The following HIVEP3 variants were observed in gnomAD, a reference collection of about 807,000 sequenced individuals.
The protein encoded by HIVEP3 is transcription factor HIVEP3.
HIVEP3 carries 49 observed loss-of-function variants against 152.8 expected under a neutral mutation model. The observed-to-expected ratio is 0.32, with a 90% CI of 0.26 to 0.41. HIVEP3 has a LOEUF of 0.41. Among genes scored for constraint, HIVEP3 ranks in the 10% least tolerant of loss-of-function variants. The probability of loss-of-function intolerance (pLI) is 1.00; values close to 1 mark genes in which losing one functional copy is unlikely to be tolerated. For synonymous variants in HIVEP3, 1,269 were observed against 1,289.0 expected, an observed-to-expected ratio of 0.98 and a Z score of 0.33; for missense variants, 2,790 against 3,103.3, an observed-to-expected ratio of 0.90 and a Z score of 2.40.
intron 1 of HIVEP3, among the ~76,000 whole-genome samples, chr1:41,936,512 C>T (rs1645021147): frequency 6.6e-6 from 1 of 152,168 alleles, no homozygotes; most frequent in South Asian, 2.1e-4. Context: ...TATGTTTGGT[C>T]TACTCCACTT....
chr1:41,659,998 A>C (rs1270877945), intron 2 of HIVEP3, among the ~76,000 whole-genome samples: 3 of 152,206 alleles, frequency 2.0e-5, no homozygotes, highest in Non-Finnish European at 2.9e-5. Flanking sequence ...GAGTATGAAC[A>C]AGTATACAGG....
intron 2 of HIVEP3, among the ~76,000 whole-genome samples, chr1:41,682,391 C>A (rs944525082): frequency 6.6e-6 from 1 of 152,126 alleles, no homozygotes; most frequent in Admixed American, 6.5e-5. Flanking sequence ...AGGCACCAAG[C>A]CTGATTCTTC....
Position 41,581,216 on chromosome 1 carries a change from C to G in HIVEP3, c.3582G>C (p.Gln1194His). Residue 1194 changes from glutamine to histidine, a missense_variant, in exon 4 of 9, where the codon CAG becomes CAC. Transcript: ENST00000372583. This position sits in a 1 kb window ranked among gnomAD's most constrained non-coding sequence, Gnocchi z 4.5. Reference protein sequence around the residue: ...SLFQAPPLPLQPTVLHPGQLH... With the variant: ...SLFQAPPLPLHPTVLHPGQLH... ...GTTGGCCTGGGTGCAGAACAGTAGGCTGGAGAGGAAGCGGTGGGGCTTGAA... is the reference window on the plus strand; with the variant it reads ...GTTGGCCTGGGTGCAGAACAGTAGGGTGGAGAGGAAGCGGTGGGGCTTGAA... 6.4e-7 allele frequency: 1 copy of G among 1,570,348 alleles called. No homozygotes were observed. The highest frequency in any genetic ancestry group is 8.6e-7 in the Non-Finnish European group (1 of 1,158,120).
At chr1:41,728,068 C>T (rs986533077) in intron 1 of HIVEP3, among the ~76,000 whole-genome samples, 1 of 152,254 alleles carries the variant, frequency 6.6e-6, no homozygotes, top group East Asian at 1.9e-4. Flanking sequence ...GCTTGCTGGT[C>T]CTTAATCACC....
At chr1:41,760,678 G>A (rs1647610900) in intron 1 of HIVEP3, among the ~76,000 whole-genome samples, 1 of 152,212 alleles carries the variant, frequency 6.6e-6, no homozygotes, top group Non-Finnish European at 1.5e-5. Context: ...AGGGCCCTGG[G>A]GCTTGGGGGC....
intron 1 of HIVEP3, among the ~76,000 whole-genome samples, chr1:41,758,173 C>A (rs1647439659): frequency 6.6e-6 from 1 of 152,034 alleles, no homozygotes; most frequent in Admixed American, 6.5e-5. Flanking sequence ...AGGCTGCCTT[C>A]CCCGGACAGG....
intron 1 of HIVEP3, among the ~76,000 whole-genome samples, chr1:41,880,770 C>T (rs56836545): frequency 1.6e-4 from 25 of 152,302 alleles, no homozygotes; most frequent in African/African-American, 6.0e-4. Context: ...TCTCCCTGCA[C>T]TGCCTTCAGA....
At chr1:41,728,464 C>T (rs763001736) in intron 1 of HIVEP3, among the ~76,000 whole-genome samples, 1 of 149,470 alleles carries the variant, frequency 6.7e-6, no homozygotes, top group Non-Finnish European at 1.5e-5. Flanking sequence ...TCTGCCAAGG[C>T]GACAGAGCAG....
In HIVEP3 at chr1:41,511,348, GACTCGCCCAAGATC is replaced by G. The variant is rs573764696; in HGVS notation, c.6406-96_6406-83del. On this transcript the variant is annotated intron_variant, in intron 8 of 8. Coordinates refer to ENST00000372583, the MANE Select transcript of HIVEP3 (RefSeq NM_024503.5). This position sits in a 1 kb window ranked among gnomAD's most constrained non-coding sequence, Gnocchi z 4.9. ...AGCCGAGGCCTGGAAGTGGGAGGGG[GACTCGCCCAAGATC>G]ACAGAGCGAGTCCAGGGTCCCGGCT... 3.8e-4 allele frequency: 481 copies of G among 1,258,660 alleles called. 2 individuals are homozygous for G. In the East Asian group the frequency reaches 0.011, roughly 29 times the overall value. The allele number at this position is 1,258,660 out of a possible 1,614,324, so 78.0% of individuals were successfully genotyped here. A position where few individuals can be genotyped will look rare whatever the true frequency, so the allele number is the denominator to read the frequency against.
At chr1:41,872,863 G>C (rs986578802) in intron 1 of HIVEP3, among the ~76,000 whole-genome samples, 1 of 152,126 alleles carries the variant, frequency 6.6e-6, no homozygotes, top group African/African-American at 2.4e-5. Context: ...GAACATCCAC[G>C]TACAAGTCTT....
intron 1 of HIVEP3, among the ~76,000 whole-genome samples, chr1:41,955,744 C>T (rs1645137048): frequency 6.6e-6 from 1 of 152,086 alleles, no homozygotes; most frequent in Non-Finnish European, 1.5e-5. Flanking sequence ...TAATGAGTTA[C>T]CCGGAGAAGT....
intron 3 of HIVEP3, among the ~76,000 whole-genome samples, chr1:41,616,836 C>A (rs536756868): frequency 6.6e-6 from 1 of 152,320 alleles, no homozygotes; most frequent in Admixed American, 6.5e-5. Context: ...TTCTAGGCTA[C>A]AGGCCAATAG....
chr1:42,030,458 G>A (rs1645606751), intron 1 of HIVEP3, among the ~76,000 whole-genome samples: 1 of 152,068 alleles, frequency 6.6e-6, no homozygotes, highest in Non-Finnish European at 1.5e-5. Context: ...CTCCACAACT[G>A]ATACCAAAAA....
At chr1:41,568,489 A>G (rs943572679) in intron 5 of HIVEP3, among the ~76,000 whole-genome samples, 2 of 152,262 alleles carry the variant, frequency 1.3e-5, no homozygotes, top group African/African-American at 4.8e-5. Flanking sequence ...TTCGGGGGAC[A>G]CGGCGTAGGA....
chr1:41,833,091 AT>A (rs1446413560), intron 1 of HIVEP3, among the ~76,000 whole-genome samples: 11 of 152,234 alleles, frequency 7.2e-5, no homozygotes, highest in Non-Finnish European at 1.6e-4. Context: ...TTCAGCTAAA[AT>A]AAACCCTTCA....
chr1:41,582,083 C>T lies in HIVEP3; in HGVS notation c.2715G>A (p.Lys905=). 1 of 1,614,188 alleles carries T rather than the reference C, an allele frequency of 6.2e-7. No individual in the cohort carries two copies. Among genetic ancestry groups the T allele is most frequent in the Non-Finnish European group, 8.5e-7 (1 of 1,180,034 alleles). ...CCATCTCTGCCAGGCGCAACCTCTT[C>T]TTTTTGGGTGGCAGCTTCTCAGCTG... ...QLPAEKLPPK[K]KRLRLAEMAQ... The change falls in exon 4 of 9, where the codon AAG becomes AAA. Residue 905 remains lysine, a synonymous_variant. Coordinates refer to ENST00000372583, the MANE Select transcript of HIVEP3 (RefSeq NM_024503.5). This position sits in a 1 kb window ranked among gnomAD's most constrained non-coding sequence, Gnocchi z 4.7.
At chr1:41,841,682 A>G (rs1643293244) in intron 1 of HIVEP3, among the ~76,000 whole-genome samples, 1 of 152,228 alleles carries the variant, frequency 6.6e-6, no homozygotes, top group Admixed American at 6.5e-5. Flanking sequence ...AAGTTATCTA[A>G]GCTCAGGGCC....
rs1191663238 is a variant in HIVEP3 at position 41,513,191 on chromosome 1, T to C, written c.6030A>G (p.Pro2010=). ...TTCCTGGGTCCACGTGCAGGCCAGG[T>C]GGGCTTGGGGCTGAGGCCTGTGGTT... ...AREPQASAPS[P]PGLHVDPGRG... is the part of the protein sequence containing the mutation. The change falls in exon 8 of 9, where the codon CCA becomes CCG. Residue 2010 remains proline, a synonymous_variant. Transcript: ENST00000372583. 1.2e-6 allele frequency: 2 copies of C among 1,613,676 alleles called. No individual in the cohort carries two copies. The highest frequency in any genetic ancestry group is 1.7e-6 in the Non-Finnish European group (2 of 1,179,932).
chr1:41,596,010 G>T (rs943123515), intron 3 of HIVEP3, among the ~76,000 whole-genome samples: 4 of 151,884 alleles, frequency 2.6e-5, no homozygotes, highest in Non-Finnish European at 5.9e-5. Flanking sequence ...CTAATACAAG[G>T]TTCAATGTAC....
Sources: allele counts gnomAD v4.1 joint callset (sites outside exome capture counted in the v4.1 genomes callset), GRCh38; gene constraint gnomAD v4.1.1; non-coding constraint Gnocchi (gnomAD v3.1); transcripts MANE v1.5; gene names NCBI Gene and HGNC (gene_info 2026-07-23, HGNC 2026-07-21).